NBEA: variants seen among roughly 807,000 people sequenced by gnomAD.
NBEA encodes neurobeachin, also known as lysosomal-trafficking regulator 2.
NBEA carries 44 observed loss-of-function variants against 343.4 expected under a neutral mutation model. The ratio of observed to expected loss-of-function variants is 0.13; its 90% CI spans 0.10 to 0.16. The LOEUF is 0.16. Among genes scored for constraint, NBEA ranks in the 10% least tolerant of loss-of-function variants. The pLI is 1.00. For missense variants in NBEA, 2,555 were observed against 3,631.3 expected, an observed-to-expected ratio of 0.70 and a Z score of 7.62; for synonymous variants, 1,175 against 1,238.7, an observed-to-expected ratio of 0.95 and a Z score of 1.08.
chr13:35,436,461 A>C (rs1370954589), intron 39 of NBEA, among the ~76,000 whole-genome samples: 1 of 152,230 alleles, frequency 6.6e-6, no homozygotes, highest in South Asian at 2.1e-4. Context: ...CTGTAATCCC[A>C]GCACTTTGGG....
chr13:35,051,941 C>T (rs1458314430), intron 6 of NBEA, among the ~76,000 whole-genome samples: 6 of 151,942 alleles, frequency 3.9e-5, no homozygotes, highest in African/African-American at 1.4e-4. Context: ...TTGTCATTAA[C>T]CAATAAAAAG....
At chr13:35,289,524 G>A (rs1233817809) in intron 34 of NBEA, among the ~76,000 whole-genome samples, 4 of 151,666 alleles carry the variant, frequency 2.6e-5, no homozygotes, top group East Asian at 1.9e-4. Flanking sequence ...TATATACATC[G>A]TTATACAGCA....
intron 33 of NBEA, among the ~76,000 whole-genome samples, chr13:35,231,807 T>C (rs2074989719): frequency 6.6e-6 from 1 of 152,134 alleles, no homozygotes; most frequent in Admixed American, 6.6e-5. Flanking sequence ...CACTTTTATC[T>C]AAGACAGATA....
chr13:35,086,873 A>C (rs963168420), intron 10 of NBEA, among the ~76,000 whole-genome samples: 1 of 151,870 alleles, frequency 6.6e-6, no homozygotes, highest in Non-Finnish European at 1.5e-5. Context: ...ATTGTGGTTT[A>C]GATTTGCATT....
intron 1 of NBEA, among the ~76,000 whole-genome samples, chr13:35,005,787 A>C (rs192896640): frequency 6.6e-6 from 1 of 152,338 alleles, no homozygotes; most frequent in Admixed American, 6.5e-5. Context: ...AAAAATGAGA[A>C]TAAGTTAGGC....
chr13:35,282,187 C>T (rs921584374), intron 34 of NBEA, among the ~76,000 whole-genome samples: 2 of 152,026 alleles, frequency 1.3e-5, no homozygotes, highest in East Asian at 1.9e-4. Flanking sequence ...GCTGGGATTA[C>T]AGGCATGAGC....
At chr13:35,343,067 A>G (rs1269309752) in intron 36 of NBEA, among the ~76,000 whole-genome samples, 1 of 152,116 alleles carries the variant, frequency 6.6e-6, no homozygotes, top group African/African-American at 2.4e-5. Flanking sequence ...AGAAAAATAT[A>G]TCCTGGGCAC....
intron 34 of NBEA, among the ~76,000 whole-genome samples, chr13:35,256,444 G>T (rs1413201148): frequency 6.6e-6 from 1 of 152,202 alleles, no homozygotes; most frequent in African/African-American, 2.4e-5. Flanking sequence ...ACTCTGGACT[G>T]CAGACTATAC....
At chr13:35,050,182 T>A in intron 5 of NBEA, 87 bp from the exon 6 acceptor site, 2 of 1,288,868 alleles carry the variant, frequency 1.6e-6, no homozygotes, top group Non-Finnish European at 2.1e-6. Flanking sequence ...GGAAATAAGT[T>A]TTATTTTTAT....
chr13:35,446,996 A>G (rs2046083018), intron 39 of NBEA, among the ~76,000 whole-genome samples: 1 of 152,050 alleles, frequency 6.6e-6, no homozygotes, highest in African/African-American at 2.4e-5. Flanking sequence ...TAGCTAACCT[A>G]TTGTTGTGAA....
At chr13:35,486,574 A>C (rs1012337330) in intron 41 of NBEA, among the ~76,000 whole-genome samples, 6 of 152,046 alleles carry the variant, frequency 3.9e-5, no homozygotes, top group African/African-American at 1.4e-4. Context: ...GAAAGGTTGC[A>C]TCTTACCAGG....
intron 35 of NBEA, among the ~76,000 whole-genome samples, chr13:35,296,586 TC>T (rs1333431044): frequency 6.6e-6 from 1 of 151,978 alleles, no homozygotes. Context: ...TAAGCCCACC[TC>T]CCTGACCTAA....
intron 47 of NBEA, among the ~76,000 whole-genome samples, chr13:35,603,239 C>T (rs1015998070): frequency 6.6e-6 from 1 of 152,158 alleles, no homozygotes; most frequent in African/African-American, 2.4e-5. Flanking sequence ...CATCCAATAT[C>T]TTTAATAGCT....
chr13:35,650,273 T>G (rs2084452394), intron 52 of NBEA, among the ~76,000 whole-genome samples: 1 of 152,230 alleles, frequency 6.6e-6, no homozygotes, highest in African/African-American at 2.4e-5. Context: ...TTTGAATGAC[T>G]ATTATGTGTC....
chr13:35,334,034 G>A (rs150773724), intron 36 of NBEA, among the ~76,000 whole-genome samples: 200 of 151,488 alleles, frequency 1.3e-3, no homozygotes, highest in African/African-American at 4.7e-3. Flanking sequence ...TCCGTAGATC[G>A]ATTTCCTTTC....
At chr13:35,472,638 T>C in intron 41 of NBEA, 102 bp downstream of exon 41, 5 of 1,086,874 alleles carry the variant, frequency 4.6e-6, no homozygotes, top group Non-Finnish European at 6.9e-6. Context: ...GGGAGCACAT[T>C]CTCCTCTTTC....
intron 38 of NBEA, among the ~76,000 whole-genome samples, chr13:35,364,291 G>C (rs138740446): frequency 6.6e-6 from 1 of 151,956 alleles, no homozygotes; most frequent in East Asian, 1.9e-4. Flanking sequence ...CACATGTAGA[G>C]TATATGCTTT....
At position 35,554,971 on chromosome 13, in the gene NBEA, T is replaced by C. The variant is rs764766920; in HGVS notation, c.6807-16T>C. On this transcript the variant is annotated splice_polypyrimidine_tract_variant and intron_variant, in intron 43 of 58. Coordinates refer to ENST00000379939, the MANE Select transcript of NBEA (RefSeq NM_001385012.1). ...ATTAAAGAGACTATGTTTGTTATGC[T>C]GTGCTTAATTGCTAGGAGGATATCA... 8.0e-6 allele frequency: 11 copies of C among 1,374,786 alleles called. No homozygotes were observed. The highest frequency in any genetic ancestry group is 2.4e-5 in the South Asian group (2 of 81,708). The allele number at this position is 1,374,786 out of a possible 1,614,324, so 85.2% of individuals were successfully genotyped here.
chr13:35,493,299 C>T (rs1477180255), intron 41 of NBEA, among the ~76,000 whole-genome samples: 1 of 151,870 alleles, frequency 6.6e-6, no homozygotes, highest in Non-Finnish European at 1.5e-5. Context: ...TAGCCTAATG[C>T]TTTGAATACT....
Sources: allele counts gnomAD v4.1 joint callset (sites outside exome capture counted in the v4.1 genomes callset), GRCh38; gene constraint gnomAD v4.1.1; transcripts MANE v1.5; gene names NCBI Gene and HGNC (gene_info 2026-07-23, HGNC 2026-07-21).